TASP1: variants seen among roughly 807,000 people sequenced by gnomAD.
TASP1 encodes the protein threonine aspartase 1.
Under a neutral mutation model 56.6 loss-of-function variants are expected in TASP1, and 16 were observed. The observed-to-expected ratio is 0.28, with a 90% CI of 0.19 to 0.43. The LOEUF (loss-of-function observed/expected upper bound fraction) is 0.43. Ranked by LOEUF, TASP1 falls within the 20% of genes least tolerant of loss-of-function variation. The pLI, the probability that TASP1 is intolerant of heterozygous loss-of-function variation, is 1.00. For missense variants in TASP1, 393 were observed against 511.6 expected (o/e 0.77, Z 2.24); for synonymous variants, 179 against 184.2 (o/e 0.97, Z 0.23).
At chr20:13,184,609 G>A in the TASP1 span, among the ~76,000 whole-genome samples, 1 of 152,094 alleles carries the variant, frequency 6.6e-6, no homozygotes, top group Non-Finnish European at 1.5e-5. Context: ...TTGTTGTCAT[G>A]GACTTATGGG....
the TASP1 span, among the ~76,000 whole-genome samples, chr20:13,107,774 C>G: frequency 7.7e-6 from 1 of 129,658 alleles, no homozygotes; most frequent in African/African-American, 3.7e-5. Context: ...AGGAAAATGA[C>G]CTTTTTTTTT....
chr20:13,195,600 C>A, the TASP1 span, among the ~76,000 whole-genome samples: 1 of 152,154 alleles, frequency 6.6e-6, no homozygotes, highest in Non-Finnish European at 1.5e-5. Context: ...GCTATCACAT[C>A]TTATGTTGGC....
chr20:13,252,579 C>G, the TASP1 span, among the ~76,000 whole-genome samples: 1 of 151,996 alleles, frequency 6.6e-6, no homozygotes, highest in Non-Finnish European at 1.5e-5. Context: ...GGTGAAACCC[C>G]GTCTCTACTA....
At chr20:13,517,424 T>C (rs947166987) in intron 10 of TASP1, among the ~76,000 whole-genome samples, 1 of 152,100 alleles carries the variant, frequency 6.6e-6, no homozygotes, top group Non-Finnish European at 1.5e-5. Context: ...AGAATAATAA[T>C]ACATAAAAAT....
chr20:13,416,028 T>C (rs967084708), intron 13 of TASP1, among the ~76,000 whole-genome samples: 1 of 152,202 alleles, frequency 6.6e-6, no homozygotes, highest in Non-Finnish European at 1.5e-5. Flanking sequence ...TTCATACTTA[T>C]TCATTAAACC....
the TASP1 span, among the ~76,000 whole-genome samples, chr20:13,230,649 A>C: frequency 6.0e-3 from 906 of 152,122 alleles, 10 homozygotes; most frequent in African/African-American, 0.02. Context: ...CTCATCCCCC[A>C]AAGACAGGAG....
At chr20:13,599,102 T>C (rs936732471) in intron 4 of TASP1, among the ~76,000 whole-genome samples, 7 of 152,164 alleles carry the variant, frequency 4.6e-5, no homozygotes, top group African/African-American at 1.7e-4. Flanking sequence ...AGTTCAACCA[T>C]TGTGGAAGAC....
At chr20:13,432,727 G>A (rs140910661) in intron 12 of TASP1, among the ~76,000 whole-genome samples, 81 of 152,186 alleles carry the variant, frequency 5.3e-4, no homozygotes, top group African/African-American at 1.8e-3. Context: ...CACTACATTG[G>A]TAATAAAAAC....
intron 3 of TASP1, among the ~76,000 whole-genome samples, chr20:13,624,940 T>C (rs1409211326): frequency 6.6e-6 from 1 of 152,220 alleles, no homozygotes; most frequent in Non-Finnish European, 1.5e-5. Flanking sequence ...AAAAGAGATA[T>C]GATTGTGTGC....
chr20:13,286,876 G>A, the TASP1 span, among the ~76,000 whole-genome samples: 8 of 152,220 alleles, frequency 5.3e-5, no homozygotes, highest in Admixed American at 1.3e-4. Context: ...ACTCCCTCCC[G>A]GCAAGGGGCA....
the TASP1 span, among the ~76,000 whole-genome samples, chr20:13,123,292 C>T: frequency 7.9e-5 from 12 of 151,608 alleles, no homozygotes; most frequent in East Asian, 5.8e-4. Flanking sequence ...GGTCATGCCA[C>T]TGCACTCCAG....
chr20:13,293,758 G>A, the TASP1 span, among the ~76,000 whole-genome samples: 2 of 152,138 alleles, frequency 1.3e-5, no homozygotes, highest in Non-Finnish European at 2.9e-5. Context: ...TGGATCACCT[G>A]AGGCCAGGAG....
chr20:13,542,598 T>C (rs1396215998), intron 8 of TASP1, among the ~76,000 whole-genome samples: 1 of 152,092 alleles, frequency 6.6e-6, no homozygotes. Flanking sequence ...CGTTAAACCA[T>C]AAACTAAATC....
chr20:13,300,250 A>G, the TASP1 span: 1 of 152,244 alleles, frequency 6.6e-6, no homozygotes, highest in South Asian at 2.1e-4. Flanking sequence ...TAGCAGGTTC[A>G]GAAGACTGCA....
intron 8 of TASP1, among the ~76,000 whole-genome samples, chr20:13,555,588 G>C (rs191399263): frequency 6.6e-6 from 1 of 152,090 alleles, no homozygotes; most frequent in African/African-American, 2.4e-5. Context: ...TAGTTCTCTT[G>C]CTACTTCCAC....
chr20:13,313,566 G>A, the TASP1 span, among the ~76,000 whole-genome samples: 10 of 152,084 alleles, frequency 6.6e-5, no homozygotes, highest in South Asian at 6.2e-4. Flanking sequence ...GAGCCTATTC[G>A]GGCTCGGGAG....
At chr20:13,599,637 T>A (rs938127739) in intron 4 of TASP1, among the ~76,000 whole-genome samples, 5 of 152,046 alleles carry the variant, frequency 3.3e-5, no homozygotes, top group African/African-American at 4.8e-5. Context: ...GTAACAAACC[T>A]GCACGTCGTG....
At chr20:13,610,568 C>G (rs1361065321) in intron 4 of TASP1, among the ~76,000 whole-genome samples, 2 of 152,112 alleles carry the variant, frequency 1.3e-5, no homozygotes, top group African/African-American at 2.4e-5. Context: ...AGCTTTGAAA[C>G]TATAAAATTT....
At position 13,557,572 on chromosome 20, in the gene TASP1, G is replaced by GTTTTTTT. The variant is rs972801507; in HGVS notation, c.675+1429_675+1435dup. On this transcript the variant is annotated intron_variant, in intron 8 of 13. Coordinates refer to ENST00000337743, the MANE Select transcript of TASP1 (RefSeq NM_017714.3). ...TGCAAATTTTATTACGATGTTTTTGGTTTTTTTTTTTTTTTTTTTTTTTTT... is the reference window on the plus strand; with the variant it reads ...TGCAAATTTTATTACGATGTTTTTGGTTTTTTTTTTTTTTTTTTTTTTTTTTTTTTTT... Among the ~76,000 whole-genome samples the GTTTTTTT allele has an allele frequency of 5.0e-5, 5 of 99,738 alleles. 1 individual carries two copies. Among genetic ancestry groups the GTTTTTTT allele is most frequent in the African/African-American group, 1.2e-4 (3 of 24,488 alleles). 65.4% of individuals were successfully genotyped at this position (99,738 alleles called of 152,430 possible).
Sources: allele counts gnomAD v4.1 joint callset (sites outside exome capture counted in the v4.1 genomes callset), GRCh38; gene constraint gnomAD v4.1.1; transcripts MANE v1.5; gene names NCBI Gene and HGNC (gene_info 2026-07-23, HGNC 2026-07-21).